Variants in ZFHX3 observed in about 807,000 individuals in gnomAD.
ZFHX3 encodes the protein zinc finger homeobox 3, also known as zinc finger homeobox protein 3.
In ZFHX3, 42 loss-of-function variants were observed where a neutral mutation model predicts 279.1. The ratio of observed to expected loss-of-function variants is 0.15; its 90% CI spans 0.12 to 0.19. ZFHX3 has a LOEUF of 0.19. ZFHX3 is among the 10% of genes least tolerant of loss of function. The pLI, the probability that ZFHX3 is intolerant of heterozygous loss-of-function variation, is 1.00. For synonymous variants in ZFHX3, 2,293 were observed against 1,957.8 expected (o/e 1.17, Z -4.52); for missense variants, 4,981 against 4,754.0 (o/e 1.05, Z -1.40).
chr16:73,175,528 C>T (rs1230988674), intron 5 of ZFHX3, among the ~76,000 whole-genome samples: 1 of 152,204 alleles, frequency 6.6e-6, no homozygotes, highest in African/African-American at 2.4e-5. Flanking sequence ...GTAACAACGC[C>T]TGCTCAGAGG....
At chr16:73,419,673 A>C (rs377137691) in intron 3 of ZFHX3, among the ~76,000 whole-genome samples, 6 of 151,708 alleles carry the variant, frequency 4.0e-5, no homozygotes, top group African/African-American at 1.5e-4. Flanking sequence ...TGAACTGCTG[A>C]GCTCAAGCCA....
chr16:73,442,591 T>C (rs1464868587), intron 3 of ZFHX3, among the ~76,000 whole-genome samples: 2 of 152,186 alleles, frequency 1.3e-5, no homozygotes, highest in African/African-American at 4.8e-5. Context: ...GAAAAACAAC[T>C]AGTGTCTCAG....
intron 5 of ZFHX3, among the ~76,000 whole-genome samples, chr16:72,816,890 T>C (rs557555457): frequency 2.4e-4 from 36 of 152,370 alleles, no homozygotes; most frequent in Non-Finnish European, 4.3e-4. Flanking sequence ...CTTCCAGATA[T>C]CCTTTGATTT....
chr16:73,212,829 T>C (rs560768049), intron 5 of ZFHX3, among the ~76,000 whole-genome samples: 4 of 152,344 alleles, frequency 2.6e-5, no homozygotes, highest in South Asian at 2.1e-4. Flanking sequence ...CTCTATCAGC[T>C]GGGGGATCTT....
rs2013785794 is a variant in ZFHX3 at position 73,260,373 on chromosome 16, C to T, written c.-1193-3237G>A. Among the ~76,000 whole-genome samples, 9 of 152,112 alleles carry T rather than the reference C, an allele frequency of 5.9e-5. No individual in the cohort carries two copies. The South Asian group carries it at 1.9e-3, about 32-fold the overall frequency. On this transcript the variant is annotated intron_variant, in intron 4 of 17. Coordinates refer to the ZFHX3 transcript ENST00000641206. ...AGATATTTTGAGACTCTGGAAATAT[C>T]CTGTTTATATCAGCATGGACTCATG...
chr16:72,930,229 TAAATA>T (rs564677164), intron 3 of ZFHX3, among the ~76,000 whole-genome samples: 3 of 150,634 alleles, frequency 2.0e-5, no homozygotes, highest in Non-Finnish European at 2.9e-5. Context: ...AATAGATAAA[TAAATA>T]AAATAAAATA....
At chr16:73,801,667 C>T (rs968396272) in intron 1 of ZFHX3, among the ~76,000 whole-genome samples, 2 of 152,188 alleles carry the variant, frequency 1.3e-5, no homozygotes, top group Non-Finnish European at 1.5e-5. Flanking sequence ...TCCTCTAAAG[C>T]GTGGCTCTGA....
chr16:73,713,938 G>C (rs1224874021), intron 1 of ZFHX3, among the ~76,000 whole-genome samples: 2 of 152,122 alleles, frequency 1.3e-5, no homozygotes, highest in South Asian at 2.1e-4. Flanking sequence ...TGTTTAGAAG[G>C]CTTTCGCATC....
At chr16:72,864,809 T>C (rs1456544709) in intron 4 of ZFHX3, among the ~76,000 whole-genome samples, 1 of 152,198 alleles carries the variant, frequency 6.6e-6, no homozygotes, top group Non-Finnish European at 1.5e-5. Flanking sequence ...TAGCAGGCTA[T>C]TTGGAAACAT....
chr16:73,581,423 C>T (rs2051859356), intron 2 of ZFHX3, among the ~76,000 whole-genome samples: 1 of 151,640 alleles, frequency 6.6e-6, no homozygotes, highest in Non-Finnish European at 1.5e-5. Flanking sequence ...CTTCTGACTC[C>T]TTTATTCACA....
intron 3 of ZFHX3, among the ~76,000 whole-genome samples, chr16:73,396,818 T>C (rs1046005758): frequency 2.0e-5 from 3 of 152,190 alleles, no homozygotes; most frequent in African/African-American, 4.8e-5. Context: ...GGCCAAACCA[T>C]ATCACTAAGC....
intron 5 of ZFHX3, among the ~76,000 whole-genome samples, chr16:72,823,820 C>T (rs904915608): frequency 3.9e-5 from 6 of 152,150 alleles, no homozygotes; most frequent in South Asian, 2.1e-4. Flanking sequence ...CCTCAGGTCA[C>T]GCAGGTGAAC....
At position 72,796,501 on chromosome 16, in the gene ZFHX3, T is replaced by A; in HGVS notation, c.6181A>T (p.Thr2061Ser). 7.9e-7 allele frequency: 1 copy of A among 1,262,838 alleles called. No individual in the cohort carries two copies. Among genetic ancestry groups the A allele is most frequent in the Non-Finnish European group, 1.0e-6 (1 of 977,954 alleles). The allele number at this position is 1,262,838 out of a possible 1,614,324, so 78.2% of individuals were successfully genotyped here. The change falls in exon 9 of 10, where the codon ACA (threonine) becomes TCA (serine). Residue 2061 changes from threonine (T) to serine (S), a missense_variant. By Grantham distance (58) the Thr-to-Ser change is moderately conservative. This residue lies in a region of ZFHX3 where 1,751 missense variants were observed against 1,770.0 expected (regional missense o/e 0.99). Coordinates refer to ENST00000268489, the MANE Select transcript of ZFHX3 (RefSeq NM_006885.4). ...LPAAPPQPAS[T>S]PAIPASAPPI... ...GGGGCTGATGCGGGGATGGCTGGTG[T>A]GGACGCCGGCTGAGGCGGCGCTGCC...
chr16:73,342,321 T>G (rs1209135875), intron 3 of ZFHX3, among the ~76,000 whole-genome samples: 1 of 152,208 alleles, frequency 6.6e-6, no homozygotes, highest in Non-Finnish European at 1.5e-5. Context: ...GGAATTCACC[T>G]AGGTAATTTA....
At chr16:73,057,808 G>T (rs1965591791) in intron 1 of ZFHX3, among the ~76,000 whole-genome samples, 1 of 150,826 alleles carries the variant, frequency 6.6e-6, no homozygotes, top group African/African-American at 2.4e-5. Context: ...CTCCGAACGG[G>T]CTCCCGCGTC....
intron 3 of ZFHX3, among the ~76,000 whole-genome samples, chr16:73,437,617 C>T (rs2018019338): frequency 6.6e-6 from 1 of 152,046 alleles, no homozygotes; most frequent in Non-Finnish European, 1.5e-5. Context: ...GAAGACATTT[C>T]CCCCCATTAC....
chr16:73,723,408 G>T (rs2053492756), intron 1 of ZFHX3, among the ~76,000 whole-genome samples: 1 of 152,158 alleles, frequency 6.6e-6, no homozygotes, highest in Non-Finnish European at 1.5e-5. Flanking sequence ...TAAACATTAA[G>T]TTATGCCATA....
intron 2 of ZFHX3, among the ~76,000 whole-genome samples, chr16:73,627,350 G>T (rs2052426964): frequency 6.6e-6 from 1 of 152,154 alleles, no homozygotes; most frequent in Non-Finnish European, 1.5e-5. Flanking sequence ...TGTCAACCGG[G>T]CCAGATAGGA....
chr16:73,477,966 C>T (rs4888358), intron 2 of ZFHX3, among the ~76,000 whole-genome samples: 130,580 of 152,172 alleles, frequency 0.86, 56,342 homozygotes, highest in East Asian at 0.98. Flanking sequence ...TTTTTGTTGT[C>T]TTCTTTTTTA....
Sources: gnomAD v4.1 joint callset for allele counts (sites outside exome capture counted in the v4.1 genomes callset) on GRCh38, gnomAD v4.1.1 for gene constraint, gnomAD v4.1.1 regional missense constraint, MANE v1.5 for transcripts, NCBI Gene and HGNC (gene_info 2026-07-23, HGNC 2026-07-21) for gene names.